The following CAPZA1 variants were observed in gnomAD, a reference collection of about 807,000 sequenced individuals.
CAPZA1 encodes the protein capping actin protein of muscle Z-line subunit alpha 1.
CAPZA1 carries 10 observed loss-of-function variants against 40.8 expected under a neutral mutation model. That is an observed-to-expected ratio of 0.25 (90% CI 0.15 to 0.42). CAPZA1 has a LOEUF of 0.42. Among genes scored for constraint, CAPZA1 ranks in the 10% least tolerant of loss-of-function variants. The pLI is 1.00. For missense variants in CAPZA1, 277 were observed against 353.8 expected (o/e 0.78, Z 1.74); for synonymous variants, 98 against 115.0 (o/e 0.85, Z 0.95).
chr1:112,668,142 C>G (rs1167285079), intron 8 of CAPZA1, among the ~76,000 whole-genome samples: 1 of 151,742 alleles, frequency 6.6e-6, no homozygotes, highest in East Asian at 2.0e-4. Context: ...TAAAAATCAG[C>G]TGAGTTCCTG....
rs551972168 is a variant in CAPZA1 at position 112,623,502 on chromosome 1, G to A, written c.39+3619G>A. Among the ~76,000 whole-genome samples the A allele has an allele frequency of 7.4e-4, 112 of 151,634 alleles. 1 individual carries two copies. The highest frequency in any genetic ancestry group is 2.6e-3 in the African/African-American group (108 of 41,306). ...TTGAGACCAGCCTGACCAACATGGA[G>A]AAACCCCATCTCTACTAAAAATACA... On this transcript the variant is annotated intron_variant, in intron 1 of 9. Coordinates refer to ENST00000263168, the MANE Select transcript of CAPZA1 (RefSeq NM_006135.3).
chr1:112,633,890 A>G (rs532527725), intron 1 of CAPZA1, among the ~76,000 whole-genome samples: 1 of 152,284 alleles, frequency 6.6e-6, no homozygotes, highest in East Asian at 1.9e-4. Flanking sequence ...TATCTTTGAG[A>G]AATGTCTGTT....
intron 1 of CAPZA1, among the ~76,000 whole-genome samples, chr1:112,627,942 A>G (rs1670847819): frequency 6.6e-6 from 1 of 152,096 alleles, no homozygotes. Flanking sequence ...CCTGGGCAAC[A>G]AGAGTGAAAC....
chr1:112,651,727 CT>C (rs1671390549), intron 3 of CAPZA1, among the ~76,000 whole-genome samples: 1 of 151,774 alleles, frequency 6.6e-6, no homozygotes, highest in African/African-American at 2.4e-5. Flanking sequence ...ATTTATTCTA[CT>C]TTTTATGAAT....
At chr1:112,658,589 CTTACT>C (rs1240276702) in intron 5 of CAPZA1, among the ~76,000 whole-genome samples, 7 of 152,216 alleles carry the variant, frequency 4.6e-5, no homozygotes, top group African/African-American at 1.2e-4. Flanking sequence ...TCTTAAACTT[CTTACT>C]TTACATCTAC....
chr1:112,644,184 C>CTTTTTTTTTTTTTTTTT (rs60802838), intron 1 of CAPZA1, among the ~76,000 whole-genome samples: 2 of 56,782 alleles, frequency 3.5e-5, no homozygotes, highest in Non-Finnish European at 2.9e-5. Context: ...CTTCTCCCAG[C>CTTTTTTTTTTTTTTTTT]TTTTTTTTTT....
At chr1:112,654,872 C>CA (rs1671467189) in intron 5 of CAPZA1, among the ~76,000 whole-genome samples, 1 of 152,044 alleles carries the variant, frequency 6.6e-6, no homozygotes, top group Non-Finnish European at 1.5e-5. Context: ...TCCCAATGCA[C>CA]AAAAAATTTA....
intron 2 of CAPZA1, among the ~76,000 whole-genome samples, chr1:112,648,585 G>T (rs1170885736): frequency 6.6e-6 from 1 of 151,302 alleles, no homozygotes; most frequent in Non-Finnish European, 1.5e-5. Flanking sequence ...CAAAGTGCTG[G>T]GATTACAGGC....
At chr1:112,641,675 G>A (rs1348537751) in intron 1 of CAPZA1, among the ~76,000 whole-genome samples, 2 of 151,848 alleles carry the variant, frequency 1.3e-5, no homozygotes, top group African/African-American at 4.8e-5. Flanking sequence ...GATCATTTGA[G>A]GTCAGGAGTT....
intron 3 of CAPZA1, among the ~76,000 whole-genome samples, chr1:112,651,268 T>C (rs1671380639): frequency 1.3e-5 from 2 of 152,208 alleles, no homozygotes; most frequent in East Asian, 3.8e-4. Flanking sequence ...TGAATTTCAT[T>C]CTGACAGAGA....
intron 5 of CAPZA1, among the ~76,000 whole-genome samples, chr1:112,658,228 C>G (rs1671536773): frequency 1.3e-5 from 2 of 152,122 alleles, no homozygotes; most frequent in Admixed American, 6.5e-5. Context: ...TTCACCTCTC[C>G]CACACTAAAG....
intron 8 of CAPZA1, among the ~76,000 whole-genome samples, chr1:112,668,498 T>G (rs1671769309): frequency 6.6e-6 from 1 of 152,162 alleles, no homozygotes. Context: ...TTTGCTTGTT[T>G]GTTTGTTTTT....
intron 5 of CAPZA1, among the ~76,000 whole-genome samples, chr1:112,655,703 C>T (rs980427648): frequency 6.6e-6 from 1 of 151,958 alleles, no homozygotes; most frequent in Non-Finnish European, 1.5e-5. Flanking sequence ...GCTGGGATTA[C>T]GGGTGCCCAC....
chr1:112,659,162 T>TGG, intron 6 of CAPZA1, 61 bp downstream of exon 6: 1 of 1,103,306 alleles, frequency 9.1e-7, no homozygotes. Context: ...GAGACTTGGT[T>TGG]TTTAATCCAA....
chr1:112,637,677 TC>T (rs1345678795), intron 1 of CAPZA1, among the ~76,000 whole-genome samples: 24 of 152,328 alleles, frequency 1.6e-4, no homozygotes, highest in African/African-American at 5.8e-4. Context: ...GGTCTCGAAT[TC>T]CTGAGCTCAA....
intron 7 of CAPZA1, 108 bp from the exon 8 acceptor site, chr1:112,666,966 T>G: frequency 1.5e-6 from 1 of 681,344 alleles, no homozygotes. Flanking sequence ...TCAGAGTTGG[T>G]AAAATGGCTC....
chr1:112,656,489 G>T (rs1671503441), intron 5 of CAPZA1, among the ~76,000 whole-genome samples: 1 of 123,864 alleles, frequency 8.1e-6, no homozygotes, highest in Admixed American at 9.8e-5. Context: ...CATTATGGTG[G>T]ACTGGACAAG....
chr1:112,620,325 G>A, intron 1 of CAPZA1: 1 of 155,516 alleles, frequency 6.4e-6, no homozygotes, highest in South Asian at 1.7e-4. Context: ...TGGTCAGGAT[G>A]GCCTCTTAAC....
intron 7 of CAPZA1, among the ~76,000 whole-genome samples, chr1:112,665,195 G>A (rs200754942): frequency 2.4e-5 from 1 of 41,566 alleles, no homozygotes; most frequent in Admixed American, 2.3e-4. Context: ...TTTTTTTTTT[G>A]AGACAGAGTC....
Sources: allele counts gnomAD v4.1 joint callset (sites outside exome capture counted in the v4.1 genomes callset), GRCh38; gene constraint gnomAD v4.1.1; transcripts MANE v1.5; gene names NCBI Gene and HGNC (gene_info 2026-07-23, HGNC 2026-07-21).